Variants in PAM observed in about 807,000 individuals in gnomAD.
PAM encodes peptidylglycine alpha-amidating monooxygenase, also known as peptidyl-glycine alpha-amidating monooxygenase.
PAM carries 72 observed loss-of-function variants against 122.1 expected under a neutral mutation model. The observed-to-expected ratio is 0.59, with a 90% CI of 0.49 to 0.72. The LOEUF (loss-of-function observed/expected upper bound fraction) is 0.72. Ranked by LOEUF, PAM falls within the 30% of genes least tolerant of loss-of-function variation. PAM has a pLI of 0.00. For synonymous variants in PAM, 389 were observed against 404.4 expected (o/e 0.96, Z 0.46); for missense variants, 1,106 against 1,183.7 (o/e 0.93, Z 0.96).
chr5:103,023,050 A>G (rs1583009292), intron 23 of PAM, among the ~76,000 whole-genome samples: 2 of 152,134 alleles, frequency 1.3e-5, no homozygotes, highest in South Asian at 4.1e-4. Flanking sequence ...TTTTTAGTAG[A>G]TAACACTCAA....
intron 1 of PAM, among the ~76,000 whole-genome samples, chr5:102,761,536 C>T (rs1361503161): frequency 6.6e-6 from 1 of 152,186 alleles, no homozygotes; most frequent in Non-Finnish European, 1.5e-5. Context: ...AATCATACTA[C>T]TACCTGCTTT....
At chr5:103,010,269 A>G (rs1780230848) in intron 21 of PAM, among the ~76,000 whole-genome samples, 2 of 152,204 alleles carry the variant, frequency 1.3e-5, no homozygotes, top group African/African-American at 4.8e-5. Flanking sequence ...CCCAACAGAC[A>G]TCTTGTTTGC....
At chr5:102,823,583 A>G (rs1772713652) in intron 1 of PAM, among the ~76,000 whole-genome samples, 1 of 152,232 alleles carries the variant, frequency 6.6e-6, no homozygotes, top group African/African-American at 2.4e-5. Context: ...ATGTCAAACT[A>G]TAATCAGAGT....
intron 3 of PAM, among the ~76,000 whole-genome samples, chr5:102,881,444 T>G (rs73192768): frequency 0.09 from 13,630 of 151,950 alleles, 1,512 homozygotes; most frequent in African/African-American, 0.25. Flanking sequence ...AGGATGGGAA[T>G]ACATGGGACA....
intron 3 of PAM, among the ~76,000 whole-genome samples, chr5:102,898,638 A>C (rs1054018418): frequency 5.3e-5 from 8 of 151,638 alleles, no homozygotes; most frequent in African/African-American, 1.9e-4. Context: ...AGCTTTTATG[A>C]AATGTTCTCA....
intron 15 of PAM, 74 bp downstream of exon 15, chr5:102,974,510 A>G (rs1157242328): frequency 1.1e-6 from 1 of 940,062 alleles, no homozygotes; most frequent in East Asian, 2.4e-5. Flanking sequence ...TGAAGGGAAT[A>G]AGAATTAATG....
At chr5:102,791,725 A>G (rs1160600273) in intron 1 of PAM, among the ~76,000 whole-genome samples, 1 of 152,158 alleles carries the variant, frequency 6.6e-6, no homozygotes, top group African/African-American at 2.4e-5. Flanking sequence ...TGAATGCAAG[A>G]TAGGCATACT....
intron 1 of PAM, among the ~76,000 whole-genome samples, chr5:102,777,997 G>A (rs1341820615): frequency 2.6e-5 from 4 of 152,136 alleles, no homozygotes; most frequent in Non-Finnish European, 5.9e-5. Context: ...CCTTCTGCAG[G>A]CGGAATTGTG....
At chr5:102,809,804 C>T (rs1022836373) in intron 1 of PAM, among the ~76,000 whole-genome samples, 12 of 152,134 alleles carry the variant, frequency 7.9e-5, no homozygotes, top group Non-Finnish European at 1.0e-4. Flanking sequence ...TCTTAAATAT[C>T]GTAATGCTTA....
intron 14 of PAM, among the ~76,000 whole-genome samples, chr5:102,962,852 G>C (rs181206718): frequency 6.0e-5 from 9 of 151,250 alleles, no homozygotes; most frequent in Admixed American, 2.0e-4. Context: ...AATATTCAGA[G>C]GTGAACATTA....
At chr5:103,004,317 A>T (rs1047692587) in intron 17 of PAM, among the ~76,000 whole-genome samples, 19 of 152,216 alleles carry the variant, frequency 1.2e-4, no homozygotes, top group Non-Finnish European at 2.6e-4. Flanking sequence ...CAACTTGGCC[A>T]TCGGTGGAGT....
rs528792360 is a variant in PAM, at chr5:102,820,053, G to C, written c.-373-45770G>C. 9.2e-5 allele frequency among the ~76,000 whole-genome samples: 14 copies of C among 152,178 alleles called. No homozygotes were observed. The South Asian group carries it at 2.7e-3, about 29-fold the overall frequency. ...CATATATTTTTATCACTGTTGGTTT[G>C]CAATTTAATGAAATATTTATTAATA... is the stretch of plus-strand genomic sequence containing the variant. On this transcript the variant is annotated intron_variant, in intron 1 of 25. Coordinates refer to ENST00000438793, the MANE Select transcript of PAM (RefSeq NM_001177306.2).
At chr5:102,844,332 A>G (rs1056204426) in intron 1 of PAM, among the ~76,000 whole-genome samples, 1 of 152,190 alleles carries the variant, frequency 6.6e-6, no homozygotes, top group African/African-American at 2.4e-5. Flanking sequence ...GGGAAAATGA[A>G]TGAAGGGCAT....
chr5:102,950,347 G>T (rs181263071), intron 11 of PAM, among the ~76,000 whole-genome samples: 249 of 151,868 alleles, frequency 1.6e-3, no homozygotes, highest in Middle Eastern at 3.4e-3. Context: ...TTAATTAAAG[G>T]TGAACTGTTT....
chr5:102,991,119 G>A (rs1773939722), intron 16 of PAM, among the ~76,000 whole-genome samples: 2 of 152,108 alleles, frequency 1.3e-5, no homozygotes, highest in Admixed American at 6.6e-5. Flanking sequence ...TTTTACAGAT[G>A]TAGAAACCAA....
chr5:102,829,435 G>A (rs1450481493), intron 1 of PAM, among the ~76,000 whole-genome samples: 2 of 149,422 alleles, frequency 1.3e-5, no homozygotes, highest in Non-Finnish European at 3.0e-5. Flanking sequence ...GCAGTGTCGC[G>A]ATCTCGGTTC....
rs186032433 is a variant in PAM, at chr5:102,775,848, A to G, written c.-374+20500A>G. 1.5e-3 allele frequency among the ~76,000 whole-genome samples: 223 copies of G among 152,310 alleles called. 2 individuals are homozygous for G. The highest frequency in any genetic ancestry group is 1.5e-3 in the Non-Finnish European group (103 of 68,024). On this transcript the variant is annotated intron_variant, in intron 1 of 25. Coordinates refer to ENST00000438793, the MANE Select transcript of PAM (RefSeq NM_001177306.2). ...TAGAATGATTTTTATTCCTTTGGGT[A>G]TATACCCAGTAATGGGATTGCTGGG...
At position 102,758,041 on chromosome 5, in the gene PAM, C is replaced by CA. The variant is rs3072349; in HGVS notation, c.-374+2711dup. ...TGGGCCACAGAGAGAGGCCCTGTCT[C>CA]AAAAAAAAAAAAAAAAAAGACTTAG... is the stretch of plus-strand genomic sequence containing the variant. On this transcript the variant is annotated intron_variant, in intron 1 of 25. Transcript: ENST00000438793. Among the ~76,000 whole-genome samples the CA allele has an allele frequency of 5.1e-3, 480 of 94,542 alleles. 2 individuals carry two copies. Among genetic ancestry groups the CA allele is most frequent in the African/African-American group, 0.013 (363 of 27,546 alleles). 62.0% of individuals were successfully genotyped at this position (94,542 alleles called of 152,430 possible).
At chr5:102,978,800 T>C (rs1768638724) in intron 15 of PAM, among the ~76,000 whole-genome samples, 1 of 151,648 alleles carries the variant, frequency 6.6e-6, no homozygotes, top group Non-Finnish European at 1.5e-5. Context: ...TTCAGTTGGC[T>C]GAATTTTGAT....
Sources: gnomAD v4.1 joint callset for allele counts (sites outside exome capture counted in the v4.1 genomes callset) on GRCh38, gnomAD v4.1.1 for gene constraint, MANE v1.5 for transcripts, NCBI Gene and HGNC (gene_info 2026-07-23, HGNC 2026-07-21) for gene names.